MARK1: variants seen among roughly 807,000 people sequenced by gnomAD.
The protein encoded by MARK1 is microtubule affinity regulating kinase 1, also known as serine/threonine-protein kinase MARK1.
In MARK1, 40 loss-of-function variants were observed where a neutral mutation model predicts 96.3. The observed-to-expected ratio is 0.42, with a 90% CI of 0.32 to 0.54. The LOEUF (loss-of-function observed/expected upper bound fraction) is 0.54, where lower values mean the gene tolerates loss of function less well. Among genes scored for constraint, MARK1 ranks in the 20% least tolerant of loss-of-function variants. The probability of loss-of-function intolerance (pLI) is 0.16; values close to 1 mark genes in which losing one functional copy is unlikely to be tolerated. For synonymous variants in MARK1, 317 were observed against 341.2 expected, an observed-to-expected ratio of 0.93 and a Z score of 0.78; for missense variants, 719 against 984.6, an observed-to-expected ratio of 0.73 and a Z score of 3.61.
intron 1 of MARK1, among the ~76,000 whole-genome samples, chr1:220,533,641 G>C (rs555765322): frequency 2.0e-4 from 30 of 152,254 alleles, no homozygotes; most frequent in Admixed American, 1.3e-4. Context: ...TCACCACTCA[G>C]AAGGTAGTAT....
intron 1 of MARK1, among the ~76,000 whole-genome samples, chr1:220,570,570 TA>T (rs1663376487): frequency 6.6e-6 from 1 of 152,160 alleles, no homozygotes. Context: ...GTTGAAGCAG[TA>T]AATTGTAATA....
intron 3 of MARK1, among the ~76,000 whole-genome samples, chr1:220,593,824 G>A (rs2102887200): frequency 6.6e-6 from 1 of 152,188 alleles, no homozygotes; most frequent in South Asian, 2.1e-4. Context: ...GTCAGTCCTG[G>A]GTAGGCCCAG....
chr1:220,599,917 AACAC>A (rs1553326842), intron 5 of MARK1, 54 bp downstream of exon 5: 16 of 1,157,740 alleles, frequency 1.4e-5, no homozygotes, highest in Non-Finnish European at 2.0e-5. Context: ...CAGAAATGTT[AACAC>A]CTAAGAGTTC....
intron 1 of MARK1, among the ~76,000 whole-genome samples, chr1:220,548,046 A>G (rs890361572): frequency 6.6e-6 from 1 of 152,338 alleles, no homozygotes; most frequent in Middle Eastern, 3.4e-3. Context: ...CTCTTCCTAC[A>G]ATACTTTAGC....
At chr1:220,620,571 G>A (rs1667002176) in intron 9 of MARK1, among the ~76,000 whole-genome samples, 1 of 152,058 alleles carries the variant, frequency 6.6e-6, no homozygotes, top group African/African-American at 2.4e-5. Flanking sequence ...GGTAAGATGT[G>A]CTTATGTCTT....
intron 3 of MARK1, among the ~76,000 whole-genome samples, chr1:220,597,260 A>G (rs1289160819): frequency 6.6e-6 from 1 of 151,980 alleles, no homozygotes; most frequent in African/African-American, 2.4e-5. Context: ...ATCATATGGT[A>G]ATTCTGTTTT....
intron 9 of MARK1, chr1:220,625,752 C>A: frequency 2.2e-6 from 1 of 444,722 alleles, no homozygotes; most frequent in Admixed American, 2.5e-5. Context: ...GACGCAGACA[C>A]AGGGCACCAG....
At chr1:220,604,272 GA>G (rs1665932813) in intron 6 of MARK1, 135 bp downstream of exon 6, 1 of 484,452 alleles carries the variant, frequency 2.1e-6, no homozygotes, top group African/African-American at 2.0e-5. Flanking sequence ...TTTAAGGATG[GA>G]AAACTCCTAA....
chr1:220,628,418 C>G (rs1667471202), intron 9 of MARK1, among the ~76,000 whole-genome samples: 1 of 152,176 alleles, frequency 6.6e-6, no homozygotes, highest in African/African-American at 2.4e-5. Context: ...TGCCACCACT[C>G]CACTGAAACT....
intron 3 of MARK1, among the ~76,000 whole-genome samples, chr1:220,584,214 T>G (rs1483502176): frequency 6.6e-6 from 1 of 152,204 alleles, no homozygotes; most frequent in Non-Finnish European, 1.5e-5. Context: ...CTTATTAATT[T>G]ACATTTTCTA....
intron 15 of MARK1, among the ~76,000 whole-genome samples, 187 bp downstream of exon 15, chr1:220,652,337 T>G (rs1171483031): frequency 6.6e-6 from 1 of 152,252 alleles, no homozygotes; most frequent in African/African-American, 2.4e-5. Flanking sequence ...AAATGTTGCA[T>G]ATAACTTAAA....
chr1:220,659,749 T>C (rs956762076), intron 17 of MARK1, among the ~76,000 whole-genome samples: 1 of 152,154 alleles, frequency 6.6e-6, no homozygotes, highest in African/African-American at 2.4e-5. Flanking sequence ...TAAATTCTAG[T>C]CTTCACTTTT....
At chr1:220,643,156 C>T (rs552525705) in intron 13 of MARK1, among the ~76,000 whole-genome samples, 1 of 152,248 alleles carries the variant, frequency 6.6e-6, no homozygotes, top group East Asian at 1.9e-4. Flanking sequence ...ATGAACTTTG[C>T]TGAGCTAAAG....
chr1:220,546,629 G>A (rs958591470), intron 1 of MARK1, among the ~76,000 whole-genome samples: 17 of 152,258 alleles, frequency 1.1e-4, no homozygotes, highest in African/African-American at 4.1e-4. Context: ...TCTTAAGGAG[G>A]GATATTATTG....
chr1:220,566,494 A>G (rs1266208586), intron 1 of MARK1, among the ~76,000 whole-genome samples: 1 of 152,178 alleles, frequency 6.6e-6, no homozygotes, highest in African/African-American at 2.4e-5. Context: ...GTTTACTGAG[A>G]GCAAACCGTT....
chr1:220,613,325 A>G (rs184307074), intron 6 of MARK1, among the ~76,000 whole-genome samples: 2 of 152,304 alleles, frequency 1.3e-5, no homozygotes, highest in African/African-American at 2.4e-5. Context: ...GAGTTCATAG[A>G]ATTTGGGGAG....
chr1:220,630,182 T>A (rs911558143), intron 9 of MARK1, among the ~76,000 whole-genome samples: 3 of 152,230 alleles, frequency 2.0e-5, no homozygotes, highest in African/African-American at 7.2e-5. Flanking sequence ...TTGAGTTCCC[T>A]GATGACTAGT....
chr1:220,549,425 A>G (rs1661714805), intron 1 of MARK1, among the ~76,000 whole-genome samples: 1 of 152,144 alleles, frequency 6.6e-6, no homozygotes, highest in Non-Finnish European at 1.5e-5. Flanking sequence ...AAAGAAGTAA[A>G]TTTGCCAGTT....
At chr1:220,569,081 C>T (rs887067220) in intron 1 of MARK1, among the ~76,000 whole-genome samples, 5 of 152,070 alleles carry the variant, frequency 3.3e-5, no homozygotes, top group African/African-American at 4.8e-5. Flanking sequence ...AAACTCTAAT[C>T]GTTGTAATCT....
Sources: gnomAD v4.1 joint callset for allele counts (sites outside exome capture counted in the v4.1 genomes callset) on GRCh38, gnomAD v4.1.1 for gene constraint, MANE v1.5 for transcripts, NCBI Gene and HGNC (gene_info 2026-07-23, HGNC 2026-07-21) for gene names.